DHX16: variants seen among roughly 807,000 people sequenced by gnomAD.
DHX16 encodes DEAH-box helicase 16.
A neutral mutation model predicts 131.2 loss-of-function variants in DHX16; 81 were observed. The observed-to-expected ratio is 0.62, with a 90% CI of 0.52 to 0.74. DHX16 has a LOEUF of 0.74. Among genes scored for constraint, DHX16 ranks in the 30% least tolerant of loss-of-function variants. DHX16 has a pLI of 0.00. For synonymous variants in DHX16, 440 were observed against 520.2 expected (o/e 0.85, Z 2.10); for missense variants, 980 against 1,363.1 (o/e 0.72, Z 4.43).
At chr6:30,658,134 A>G in intron 12 of DHX16, among the ~76,000 whole-genome samples, 1 of 152,232 alleles carries the variant, frequency 6.6e-6, no homozygotes, top group Non-Finnish European at 1.5e-5. Context: ...CGCCAAGCAC[A>G]GTGGCTCATG....
intron 12 of DHX16, among the ~76,000 whole-genome samples, chr6:30,659,254 A>C (rs1250526210): frequency 1.3e-5 from 2 of 152,134 alleles, no homozygotes; most frequent in Middle Eastern, 3.2e-3. Context: ...TCCCTTCTCC[A>C]CTGAATCTAC....
intron 12 of DHX16, among the ~76,000 whole-genome samples, chr6:30,657,473 G>C (rs1243143280): frequency 6.6e-6 from 1 of 151,908 alleles, no homozygotes; most frequent in Non-Finnish European, 1.5e-5. Context: ...CTGTCACATG[G>C]CATCCAGGAT....
chr6:30,664,687 T>C (rs1283821405), intron 7 of DHX16, 114 bp downstream of exon 7: 3 of 935,154 alleles, frequency 3.2e-6, no homozygotes, highest in Non-Finnish European at 4.8e-6. Flanking sequence ...TTTCACAATT[T>C]AGTGGAAAAG....
At position 30,671,281 on chromosome 6, in the gene DHX16, G is replaced by C; in HGVS notation, c.208-7C>G. On this transcript the variant is annotated splice_polypyrimidine_tract_variant and splice_region_variant and intron_variant, in intron 1 of 19. Coordinates refer to ENST00000376442, the MANE Select transcript of DHX16 (RefSeq NM_003587.5). ...CCACTGCCTTTCGTGGTACCTGTCA[G>C]TAGAGGGGAAGATAAGGAGGTCTGA... is the stretch of plus-strand genomic sequence containing the variant. 6.2e-7 allele frequency: 1 copy of C among 1,612,152 alleles called. No individual in the cohort carries two copies. The highest frequency in any genetic ancestry group is 8.5e-7 in the Non-Finnish European group (1 of 1,179,562).
At chr6:30,658,090 T>C (rs1027142178) in intron 12 of DHX16, among the ~76,000 whole-genome samples, 1 of 152,210 alleles carries the variant, frequency 6.6e-6, no homozygotes. Flanking sequence ...TCAAAATCCT[T>C]TGACTGCTAC....
intron 19 of DHX16, among the ~76,000 whole-genome samples, chr6:30,654,333 C>T (rs1315712230): frequency 6.6e-6 from 1 of 151,738 alleles, no homozygotes; most frequent in African/African-American, 2.4e-5. Context: ...TTTGGGAGGC[C>T]GAGGCAGGCA....
chr6:30,661,285 G>C (rs1232091493), intron 9 of DHX16, among the ~76,000 whole-genome samples: 2 of 152,126 alleles, frequency 1.3e-5, no homozygotes, highest in African/African-American at 4.8e-5. Context: ...GGGTTTCACC[G>C]TGTTAGCCAG....
intron 1 of DHX16, 101 bp from the exon 2 acceptor site, chr6:30,671,375 C>A: frequency 8.8e-7 from 1 of 1,131,968 alleles, no homozygotes. Context: ...GTCTTTCCTG[C>A]CCCCGCGGCC....
intron 19 of DHX16, 97 bp from the exon 20 acceptor site, chr6:30,653,467 C>G: frequency 1.4e-6 from 2 of 1,394,524 alleles, no homozygotes; most frequent in South Asian, 3.0e-5. Context: ...GAGTCTTGCT[C>G]TATTGCCCAG....
At chr6:30,668,848 A>G (rs1769273401) in intron 4 of DHX16, among the ~76,000 whole-genome samples, 1 of 152,098 alleles carries the variant, frequency 6.6e-6, no homozygotes, top group Non-Finnish European at 1.5e-5. Context: ...ACTCACGCCT[A>G]TAATCCCAGC....
In DHX16 at chr6:30,656,116, A is replaced by C. The variant is rs971462726; in HGVS notation, c.2498+82T>G. 2 of 1,356,072 alleles carry C rather than the reference A, an allele frequency of 1.5e-6. No homozygotes were observed. Among genetic ancestry groups the C allele is most frequent in the Non-Finnish European group, 2.1e-6 (2 of 956,310 alleles). 84.0% of individuals were successfully genotyped at this position (1,356,072 alleles called of 1,614,324 possible). ...TAAGGGATAGTATGATGAACAGAAA[A>C]AGACAGACAAAGGGGACCCTGGAGA... On this transcript the variant is annotated intron_variant, in intron 16 of 19. Transcript: ENST00000376442. The surrounding 1 kb of genome is among the most constrained non-coding windows in gnomAD (Gnocchi z 5.1).
chr6:30,667,415 T>C (rs1435388313), intron 4 of DHX16, among the ~76,000 whole-genome samples: 1 of 151,914 alleles, frequency 6.6e-6, no homozygotes, highest in Non-Finnish European at 1.5e-5. Context: ...ACCCCATCTC[T>C]ACTAAAAATA....
intron 12 of DHX16, among the ~76,000 whole-genome samples, chr6:30,657,613 T>G (rs1768104866): frequency 6.6e-6 from 1 of 152,086 alleles, no homozygotes; most frequent in Admixed American, 6.5e-5. Flanking sequence ...TGACCTCATC[T>G]GCTAGCACTC....
chr6:30,659,470 A>G lies in DHX16; in HGVS notation c.2007+2T>C. ...TGAAGAGTGTGGGTTTCTCCAACTG[A>G]CCTTTCGTGCCCCAGGTGGTGTGGG... On this transcript the variant is annotated splice_donor_variant, in intron 12 of 19. Coordinates refer to ENST00000376442, the MANE Select transcript of DHX16 (RefSeq NM_003587.5). LOFTEE classifies it high-confidence loss of function. 1 of 1,585,450 alleles carries G rather than the reference A, an allele frequency of 6.3e-7. No individual in the cohort carries two copies. Among genetic ancestry groups the G allele is most frequent in the Non-Finnish European group, 8.6e-7 (1 of 1,166,264 alleles).
chr6:30,664,980 G>C lies in DHX16; in HGVS notation c.1138C>G (p.Pro380Ala). 6.2e-7 allele frequency: 1 copy of C among 1,614,044 alleles called. No homozygotes were observed. The highest frequency in any genetic ancestry group is 8.5e-7 in the Non-Finnish European group (1 of 1,179,970). ...QLQGDEEPSA[P>A]PTSTQAQQKE... ...TGCTGGGCCTGAGTTGAAGTGGGTGGAGCTGACGGCTCCTAAGGAAAGAGA... is the reference window on the plus strand; with the variant it reads ...TGCTGGGCCTGAGTTGAAGTGGGTGCAGCTGACGGCTCCTAAGGAAAGAGA... Residue 380 changes from proline (P) to alanine (A), a missense_variant, in exon 7 of 20, where the codon CCA becomes GCA. Transcript: ENST00000376442.
Position 30,655,255 on chromosome 6 carries a change from G to A in DHX16, c.2743C>T (p.Arg915Trp), listed in dbSNP as rs771170421. ...TCCAAGAGCCCTTCCAGCTGTTCCC[G>A]CACATCCCGGGCTCGGCGCATCGAT... is the stretch of plus-strand genomic sequence containing the variant. ...FRSMRRARDVREQLEGLLERV... is the reference protein window; with the variant it reads ...FRSMRRARDVWEQLEGLLERV... Residue 915 changes from arginine (R) to tryptophan (W), a missense_variant, in exon 18 of 20, where the codon CGG becomes TGG. Arg to Trp is a moderately radical substitution (Grantham distance 101). Transcript: ENST00000376442. 38 of 1,613,986 alleles carry A rather than the reference G, an allele frequency of 2.4e-5. No individual in the cohort carries two copies. The highest frequency in any genetic ancestry group is 8.3e-5 in the Admixed American group (5 of 59,990).
chr6:30,664,819 C>T lies in DHX16; in HGVS notation c.1299G>A (p.Pro433=), dbSNP rs1554164987. The part of the protein sequence containing the change: ...ETGSGKTTQI[P]QYLFEEGYTN... ...ACTGTACCTCCTCAAAGAGATACTG[C>T]GGGATCTGGGTGGTCTTCCCTGAGC... The change falls in exon 7 of 20, where the codon CCG becomes CCA. Residue 433 remains proline, a synonymous_variant. Transcript: ENST00000376442. The T allele has an allele frequency of 1.3e-5, 21 of 1,612,592 alleles. No homozygotes were observed. Among genetic ancestry groups the T allele is most frequent in the Admixed American group, 3.3e-5 (2 of 59,966 alleles).
chr6:30,655,677 G>C (rs973093160), intron 16 of DHX16, 80 bp from the exon 17 acceptor site: 7 of 1,497,384 alleles, frequency 4.7e-6, no homozygotes, highest in Non-Finnish European at 5.5e-6. Context: ...TGATCACTGT[G>C]TGATGGATGT....
rs140342281 is a variant in DHX16, at chr6:30,671,060, G to A, written c.422C>T (p.Ser141Phe). 4 of 1,612,884 alleles carry A rather than the reference G, an allele frequency of 2.5e-6. No homozygotes were observed. In the African/African-American group the frequency reaches 5.3e-5, roughly 22 times the overall value. The change falls in exon 2 of 20, where the codon TCT (serine) becomes TTT (phenylalanine). Residue 141 changes from serine to phenylalanine, a missense_variant. This residue lies in a region of DHX16 where 457 missense variants were observed against 554.8 expected (regional missense o/e 0.82). Coordinates refer to ENST00000376442, the MANE Select transcript of DHX16 (RefSeq NM_003587.5). Reference sequence around the variant, plus strand: ...CCCTGTTTTCTTCTTCCCTTTCTCAGAAGCCTCTTCCTCCTCTTCTTCCTC... The same window carrying A: ...CCCTGTTTTCTTCTTCCCTTTCTCAAAAGCCTCTTCCTCCTCTTCTTCCTC... ...KREEEEEEEA[S>F]EKGKKKTGGS...
Sources: gnomAD v4.1 joint callset for allele counts (sites outside exome capture counted in the v4.1 genomes callset) on GRCh38, gnomAD v4.1.1 for gene constraint, gnomAD v4.1.1 regional missense constraint, Gnocchi (gnomAD v3.1) non-coding constraint, MANE v1.5 for transcripts, NCBI Gene and HGNC (gene_info 2026-07-23, HGNC 2026-07-21) for gene names.